The following PHLDB2 variants were observed in gnomAD, a reference collection of about 807,000 sequenced individuals.
The protein encoded by PHLDB2 is pleckstrin homology like domain family B member 2.
A neutral mutation model predicts 123.6 loss-of-function variants in PHLDB2; 71 were observed. That is an observed-to-expected ratio of 0.57 (90% confidence interval 0.47 to 0.70). The LOEUF (loss-of-function observed/expected upper bound fraction) is 0.70, where lower values mean the gene tolerates loss of function less well. Ranked by LOEUF, PHLDB2 falls within the 30% of genes least tolerant of loss-of-function variation. PHLDB2 has a pLI of 0.00. For missense variants in PHLDB2, 1,446 were observed against 1,519.5 expected (o/e 0.95, Z 0.80); for synonymous variants, 547 against 541.6 (o/e 1.01, Z -0.14).
chr3:111,760,690 GT>G (rs200436835), intron 1 of PHLDB2, among the ~76,000 whole-genome samples: 6 of 148,544 alleles, frequency 4.0e-5, no homozygotes, highest in Admixed American at 1.3e-4. Flanking sequence ...TTTTTTGTTT[GT>G]TTTTTTTTTC....
intron 9 of PHLDB2, among the ~76,000 whole-genome samples, chr3:111,948,267 A>ATGTG (rs1370561929): frequency 6.6e-5 from 10 of 151,434 alleles, no homozygotes; most frequent in Non-Finnish European, 1.5e-4. Flanking sequence ...GTGTGTGTGC[A>ATGTG]TGTGTGTCTG....
intron 10 of PHLDB2, among the ~76,000 whole-genome samples, chr3:111,949,340 CACTCTA>C (rs371552193): frequency 2.9e-4 from 39 of 134,682 alleles, no homozygotes; most frequent in African/African-American, 1.1e-3. Context: ...TATGTCTTAG[CACTCTA>C]ACTCAACTTA....
chr3:111,782,103 T>C (rs973996484), intron 1 of PHLDB2, among the ~76,000 whole-genome samples: 2 of 152,054 alleles, frequency 1.3e-5, no homozygotes, highest in African/African-American at 4.8e-5. Context: ...GATATGGAGA[T>C]AGGATGTAAT....
chr3:111,796,985 T>A (rs1337407695), intron 1 of PHLDB2, among the ~76,000 whole-genome samples: 2 of 152,256 alleles, frequency 1.3e-5, no homozygotes, highest in African/African-American at 2.4e-5. Context: ...TGTTTGTTTT[T>A]AAACTTCCTC....
intron 1 of PHLDB2, among the ~76,000 whole-genome samples, chr3:111,740,899 TAA>T (rs372089397): frequency 2.5e-4 from 31 of 126,370 alleles, no homozygotes; most frequent in Non-Finnish European, 2.4e-4. Context: ...CCCATCAAGT[TAA>T]AAAAAAAAAA....
At chr3:111,971,852 T>C (rs1207954422) in intron 16 of PHLDB2, among the ~76,000 whole-genome samples, 1 of 152,222 alleles carries the variant, frequency 6.6e-6, no homozygotes, top group Non-Finnish European at 1.5e-5. Flanking sequence ...GCCCTGGCCT[T>C]TGTCCTTGGC....
intron 8 of PHLDB2, among the ~76,000 whole-genome samples, chr3:111,941,355 A>C (rs2069872160): frequency 3.9e-5 from 6 of 152,250 alleles, no homozygotes; most frequent in Admixed American, 3.9e-4. Flanking sequence ...TGAACCCTGC[A>C]TTTATGCCAC....
chr3:111,843,990 A>C (rs984743654), intron 1 of PHLDB2, among the ~76,000 whole-genome samples: 1 of 152,188 alleles, frequency 6.6e-6, no homozygotes, highest in Admixed American at 6.5e-5. Context: ...AAATCCTCTA[A>C]TTGTAACCTT....
Position 111,976,124 on chromosome 3 carries a change from T to C in PHLDB2, c.*1561T>C, listed in dbSNP as rs914140553. On this transcript the variant is annotated 3_prime_UTR_variant, in exon 18 of 18. Coordinates refer to ENST00000431670, the MANE Select transcript of PHLDB2 (RefSeq NM_001134438.2). ...GATTTTGTTGGTTAATGTAAAGATA[T>C]GACTTTTCTGCACTGTACTCTCTTC... 1.3e-5 allele frequency: 2 copies of C among 152,650 alleles called. No individual in the cohort carries two copies. The highest frequency in any genetic ancestry group is 4.1e-4 in the South Asian group (2 of 4,836). 9.5% of individuals were successfully genotyped at this position (152,650 alleles called of 1,614,324 possible).
chr3:111,758,040 C>T (rs1402590657), intron 1 of PHLDB2, among the ~76,000 whole-genome samples: 1 of 152,298 alleles, frequency 6.6e-6, no homozygotes, highest in South Asian at 2.1e-4. Context: ...TTAGGCTGCT[C>T]AGGGGTCAGG....
In PHLDB2 at chr3:111,920,161, G is replaced by A. The variant is rs909777195; in HGVS notation, c.1864-121G>A. On this transcript the variant is annotated intron_variant, in intron 4 of 17. Coordinates refer to ENST00000431670, the MANE Select transcript of PHLDB2 (RefSeq NM_001134438.2). ...CTCTCTGGAGTGTTCTCAGGCACCC[G>A]ATCTGGCTGCTACAGTATTACTTTT... The A allele has an allele frequency of 3.4e-5, 38 of 1,123,782 alleles. 1 individual carries two copies. The highest frequency in any genetic ancestry group is 4.3e-5 in the Non-Finnish European group (35 of 809,202). The allele number at this position is 1,123,782 out of a possible 1,614,324, so 69.6% of individuals were successfully genotyped here.
chr3:111,820,813 T>C (rs1330589593), intron 1 of PHLDB2, among the ~76,000 whole-genome samples: 1 of 152,244 alleles, frequency 6.6e-6, no homozygotes, highest in Non-Finnish European at 1.5e-5. Context: ...GTGAGAACTA[T>C]GGCACATATC....
At chr3:111,929,307 A>G (rs1346721192) in intron 5 of PHLDB2, among the ~76,000 whole-genome samples, 4 of 152,102 alleles carry the variant, frequency 2.6e-5, no homozygotes, top group Non-Finnish European at 4.4e-5. Flanking sequence ...AAGTACATTT[A>G]TGAATATTTT....
intron 1 of PHLDB2, among the ~76,000 whole-genome samples, chr3:111,774,465 G>A (rs79466595): frequency 0.048 from 7,358 of 152,250 alleles, 269 homozygotes; most frequent in Non-Finnish European, 0.076. Flanking sequence ...TGCGAGCCCC[G>A]AGTGGCTTGG....
chr3:111,959,391 G>A (rs2071254899), intron 12 of PHLDB2, among the ~76,000 whole-genome samples: 1 of 152,196 alleles, frequency 6.6e-6, no homozygotes. Flanking sequence ...GCTCCATGAG[G>A]TGAACTTTTC....
intron 1 of PHLDB2, among the ~76,000 whole-genome samples, chr3:111,807,947 T>G (rs887302339): frequency 1.5e-4 from 1 of 6,596 alleles, no homozygotes; most frequent in Non-Finnish European, 3.8e-4. Flanking sequence ...AAGCTGGGTG[T>G]TTTTTTTTTT....
intron 1 of PHLDB2, among the ~76,000 whole-genome samples, chr3:111,824,942 T>A (rs1054590618): frequency 6.6e-6 from 1 of 152,224 alleles, no homozygotes; most frequent in African/African-American, 2.4e-5. Flanking sequence ...TCCTTATATA[T>A]CCACTTGTAG....
chr3:111,790,048 C>T (rs1267483065), intron 1 of PHLDB2, among the ~76,000 whole-genome samples: 1 of 152,166 alleles, frequency 6.6e-6, no homozygotes, highest in African/African-American at 2.4e-5. Flanking sequence ...TGACTGGGGG[C>T]AGGGCGTTCA....
At chr3:111,756,367 G>GT (rs1198007960) in intron 1 of PHLDB2, among the ~76,000 whole-genome samples, 3 of 152,150 alleles carry the variant, frequency 2.0e-5, no homozygotes, top group Non-Finnish European at 2.9e-5. Flanking sequence ...ATTTAGGATA[G>GT]TTAGCTCTTC....
Sources: gnomAD v4.1 joint callset for allele counts (sites outside exome capture counted in the v4.1 genomes callset) on GRCh38, gnomAD v4.1.1 for gene constraint, MANE v1.5 for transcripts, NCBI Gene and HGNC (gene_info 2026-07-23, HGNC 2026-07-21) for gene names.